Variants in EXT1 observed in about 807,000 individuals in gnomAD.
The protein encoded by EXT1 is exostosin-1.
In EXT1, 20 loss-of-function variants were observed where a neutral mutation model predicts 82.5. That is an observed-to-expected ratio of 0.24 (90% CI 0.17 to 0.35). The LOEUF is 0.35. Ranked by LOEUF, EXT1 falls within the 10% of genes least tolerant of loss-of-function variation. The pLI, the probability that EXT1 is intolerant of heterozygous loss-of-function variation, is 1.00. For missense variants in EXT1, 757 were observed against 936.5 expected (o/e 0.81, Z 2.50); for synonymous variants, 348 against 350.8 (o/e 0.99, Z 0.09).
chr8:117,946,895 A>C (rs940266025), intron 1 of EXT1, among the ~76,000 whole-genome samples: 1 of 152,208 alleles, frequency 6.6e-6, no homozygotes, highest in African/African-American at 2.4e-5. Context: ...TCCTTCTTCC[A>C]CAATTGCTTC....
At chr8:118,099,310 CT>C (rs1168759511) in intron 1 of EXT1, among the ~76,000 whole-genome samples, 1 of 152,184 alleles carries the variant, frequency 6.6e-6, no homozygotes, top group Non-Finnish European at 1.5e-5. Flanking sequence ...GGCCCACTTC[CT>C]TATATTTGGG....
At chr8:117,968,848 C>T (rs1346900812) in intron 1 of EXT1, among the ~76,000 whole-genome samples, 3 of 64,512 alleles carry the variant, frequency 4.7e-5, no homozygotes, top group Middle Eastern at 9.4e-3. Context: ...GGATTACAGG[C>T]GTGAGCCACT....
At chr8:117,928,898 A>G (rs111575842) in intron 1 of EXT1, among the ~76,000 whole-genome samples, 20 of 152,356 alleles carry the variant, frequency 1.3e-4, no homozygotes, top group Non-Finnish European at 2.5e-4. Context: ...GAAAAAGCCA[A>G]GGACCTTGAG....
At chr8:117,828,927 C>A (rs1322889648) in intron 4 of EXT1, among the ~76,000 whole-genome samples, 2 of 152,136 alleles carry the variant, frequency 1.3e-5, no homozygotes, top group Non-Finnish European at 2.9e-5. Context: ...ATGACCAGCA[C>A]TGGCTCTGAT....
chr8:118,030,369 G>A (rs971249377), intron 1 of EXT1, among the ~76,000 whole-genome samples: 1 of 152,152 alleles, frequency 6.6e-6, no homozygotes, highest in Non-Finnish European at 1.5e-5. Context: ...AAAGAAAAGT[G>A]CGTACACCAT....
Position 117,986,179 on chromosome 8 carries a change from A to ATTCTTTTCTT in EXT1, c.962+123896_962+123905dup, listed in dbSNP as rs141596459. 6.1e-3 allele frequency among the ~76,000 whole-genome samples: 413 copies of ATTCTTTTCTT among 67,592 alleles called. 4 individuals are homozygous for ATTCTTTTCTT. The highest frequency in any genetic ancestry group is 0.025 in the African/African-American group (321 of 12,660). The allele number at this position is 67,592 out of a possible 152,430, so 44.3% of individuals were successfully genotyped here. ...AAAATAAAAAGCACCTTGCTTAACTATTCTTTTCTTTTTTTTTTTTTTTTT... is the reference window on the plus strand; with the variant it reads ...AAAATAAAAAGCACCTTGCTTAACTATTCTTTTCTTTTCTTTTCTTTTTTTTTTTTTTTTT... On this transcript the variant is annotated intron_variant, in intron 1 of 10. Coordinates refer to ENST00000378204, the MANE Select transcript of EXT1 (RefSeq NM_000127.3).
chr8:117,959,413 T>C (rs1814653430), intron 1 of EXT1, among the ~76,000 whole-genome samples: 1 of 152,202 alleles, frequency 6.6e-6, no homozygotes, highest in Non-Finnish European at 1.5e-5. Flanking sequence ...CCTTGCTAGC[T>C]AGCACTATAT....
At chr8:118,085,589 GA>G (rs1348062167) in intron 1 of EXT1, among the ~76,000 whole-genome samples, 2 of 151,608 alleles carry the variant, frequency 1.3e-5, no homozygotes, top group Non-Finnish European at 2.9e-5. Flanking sequence ...AGTCACTGGG[GA>G]AAAACAATTT....
intron 8 of EXT1, among the ~76,000 whole-genome samples, chr8:117,810,791 T>C (rs950892176): frequency 3.3e-5 from 5 of 152,196 alleles, no homozygotes; most frequent in Admixed American, 2.6e-4. Flanking sequence ...AATGGACCCC[T>C]ATGGACTGCA....
chr8:118,099,407 G>A (rs1259224853), intron 1 of EXT1, among the ~76,000 whole-genome samples: 1 of 152,212 alleles, frequency 6.6e-6, no homozygotes. Flanking sequence ...ACTGCAGGCT[G>A]AGAAACCAGA....
intron 1 of EXT1, among the ~76,000 whole-genome samples, chr8:117,884,066 G>A (rs1226010910): frequency 2.0e-5 from 3 of 152,156 alleles, no homozygotes; most frequent in Admixed American, 2.0e-4. Context: ...AGGAGATTCT[G>A]CTTATGTACA....
intron 1 of EXT1, among the ~76,000 whole-genome samples, chr8:117,864,477 C>T (rs1309460056): frequency 6.6e-6 from 1 of 152,198 alleles, no homozygotes; most frequent in Middle Eastern, 3.2e-3. Flanking sequence ...CGATCAGGAG[C>T]AGTGGCTCAC....
At chr8:117,926,487 A>C (rs1813954540) in intron 1 of EXT1, among the ~76,000 whole-genome samples, 1 of 152,222 alleles carries the variant, frequency 6.6e-6, no homozygotes, top group South Asian at 2.1e-4. Context: ...AGGCTGAATC[A>C]CTAATGCAGG....
At position 117,843,886 on chromosome 8, in the gene EXT1, T is replaced by A. The variant is rs1812311677; in HGVS notation, c.963-6685A>T. On this transcript the variant is annotated intron_variant, in intron 1 of 10. Coordinates refer to ENST00000378204, the MANE Select transcript of EXT1 (RefSeq NM_000127.3). ...CCATTACATCACATTGCCTCCTTGG[T>A]CAGCCCATACAACATGCAGTGTCTA... 2.0e-5 allele frequency among the ~76,000 whole-genome samples: 3 copies of A among 152,262 alleles called. No homozygotes were observed. The South Asian group carries it at 6.2e-4, about 32-fold the overall frequency.
intron 1 of EXT1, among the ~76,000 whole-genome samples, chr8:118,029,181 C>A (rs1370912511): frequency 6.6e-6 from 1 of 152,118 alleles, no homozygotes; most frequent in Non-Finnish European, 1.5e-5. Flanking sequence ...GTAATCCCAG[C>A]ACTTTGGGAG....
At chr8:118,000,374 T>A (rs1815636500) in intron 1 of EXT1, among the ~76,000 whole-genome samples, 1 of 152,076 alleles carries the variant, frequency 6.6e-6, no homozygotes, top group Admixed American at 6.5e-5. Flanking sequence ...CATAGCATCA[T>A]GGGCATGTCT....
rs562731538 is a variant in EXT1 at position 117,864,083 on chromosome 8, G to A, written c.963-26882C>T. ...AGCAAGACAATTCTATACCTACTCC[G>A]TCCTCTCAAAAGGGAGAGAACAACG... On this transcript the variant is annotated intron_variant, in intron 1 of 10. Coordinates refer to ENST00000378204, the MANE Select transcript of EXT1 (RefSeq NM_000127.3). Among the ~76,000 whole-genome samples, 14 of 152,120 alleles carry A rather than the reference G, an allele frequency of 9.2e-5. No individual in the cohort carries two copies. The South Asian group carries it at 1.0e-3, about 11-fold the overall frequency.
At chr8:117,849,623 A>C (rs879772115) in intron 1 of EXT1, among the ~76,000 whole-genome samples, 7 of 152,256 alleles carry the variant, frequency 4.6e-5, no homozygotes, top group Non-Finnish European at 1.0e-4. Context: ...CAAGTTCTCC[A>C]AATGCCATCT....
At chr8:117,874,796 T>G (rs1168788611) in intron 1 of EXT1, among the ~76,000 whole-genome samples, 1 of 152,118 alleles carries the variant, frequency 6.6e-6, no homozygotes, top group Non-Finnish European at 1.5e-5. Flanking sequence ...TCCTTTTCCA[T>G]CTTCTTTAGT....
Sources: gnomAD v4.1 joint callset for allele counts (sites outside exome capture counted in the v4.1 genomes callset) on GRCh38, gnomAD v4.1.1 for gene constraint, MANE v1.5 for transcripts, NCBI Gene and HGNC (gene_info 2026-07-23, HGNC 2026-07-21) for gene names.